FBXW8: variants seen among roughly 807,000 people sequenced by gnomAD.
FBXW8 encodes F-box and WD repeat domain containing 8.
Under a neutral mutation model 65.3 loss-of-function variants are expected in FBXW8, and 57 were observed. The observed-to-expected ratio is 0.87, with a 90% CI of 0.71 to 1.09. The LOEUF is 1.09. Ranked by LOEUF, FBXW8 falls within the 50% of genes least tolerant of loss-of-function variation. FBXW8 has a pLI of 0.00. For synonymous variants in FBXW8, 308 were observed against 330.2 expected, an observed-to-expected ratio of 0.93 and a Z score of 0.73; for missense variants, 777 against 814.8, an observed-to-expected ratio of 0.95 and a Z score of 0.57.
chr12:116,924,357 C>T (rs1347466473), intron 1 of FBXW8, among the ~76,000 whole-genome samples: 1 of 152,094 alleles, frequency 6.6e-6, no homozygotes, highest in Non-Finnish European at 1.5e-5. Context: ...TATATGTATA[C>T]AATGTATATT....
Position 116,985,355 on chromosome 12 carries a change from G to A in FBXW8, c.985G>A (p.Glu329Lys). 1 of 1,614,184 alleles carries A rather than the reference G, an allele frequency of 6.2e-7. No homozygotes were observed. Among genetic ancestry groups the A allele is most frequent in the Non-Finnish European group, 8.5e-7 (1 of 1,180,022 alleles). The change falls in exon 6 of 11, where the codon GAG (glutamate) becomes AAG (lysine). Residue 329 changes from glutamate to lysine, a missense_variant. Physicochemically the swap from Glu to Lys is moderately conservative, Grantham distance 56. Coordinates refer to ENST00000652555, the MANE Select transcript of FBXW8 (RefSeq NM_153348.3). ...TGATGTCGTGATGTTATCCCCCAAT[G>A]AGGAGGGGTACTGGCAGATAGCTGC... Reference protein sequence around the residue: ...AFDVVMLSPNEEGYWQIAAEF... With the variant: ...AFDVVMLSPNKEGYWQIAAEF...
At chr12:116,955,403 A>G (rs1235567832) in intron 4 of FBXW8, among the ~76,000 whole-genome samples, 2 of 152,210 alleles carry the variant, frequency 1.3e-5, no homozygotes, top group Non-Finnish European at 2.9e-5. Context: ...ATTTATGTTC[A>G]TAAGTCACCA....
chr12:116,960,215 CT>C (rs1883898159), intron 4 of FBXW8, among the ~76,000 whole-genome samples: 1 of 152,198 alleles, frequency 6.6e-6, no homozygotes. Flanking sequence ...GTCCAGGTCC[CT>C]CTGCCCCAAC....
In FBXW8 at chr12:117,028,101, C is replaced by A. The variant is rs191628514; in HGVS notation, c.1726C>A (p.Arg576Ser). Residue 576 changes from arginine to serine, a missense_variant, in exon 11 of 11, where the codon CGT becomes AGT. Transcript: ENST00000652555. This position sits in a 1 kb window ranked among gnomAD's most constrained non-coding sequence, Gnocchi z 4.1. The stretch of plus-strand genomic sequence containing the variant: ...CTTCCAGAGCCCTCTCCCTGTCTGC[C>A]GTTCATCCTGTGACGCCATGGCCAC... ...LAFQSPLPVC[R>S]SSCDAMATHY... 6.2e-7 allele frequency: 1 copy of A among 1,614,154 alleles called. No homozygotes were observed. Among genetic ancestry groups the A allele is most frequent in the Non-Finnish European group, 8.5e-7 (1 of 1,180,030 alleles).
chr12:116,921,208 T>G (rs112618153), intron 1 of FBXW8, among the ~76,000 whole-genome samples: 3 of 152,254 alleles, frequency 2.0e-5, no homozygotes, highest in African/African-American at 7.2e-5. Context: ...GGACATTTAT[T>G]GTGCATCTAC....
chr12:116,994,236 T>A (rs1161674602), intron 7 of FBXW8, among the ~76,000 whole-genome samples: 1 of 152,228 alleles, frequency 6.6e-6, no homozygotes, highest in African/African-American at 2.4e-5. Flanking sequence ...GGTGTAAAAG[T>A]ACTGGTGTAA....
intron 7 of FBXW8, among the ~76,000 whole-genome samples, chr12:116,999,752 G>C (rs941687606): frequency 2.6e-5 from 4 of 152,250 alleles, no homozygotes; most frequent in African/African-American, 9.6e-5. Context: ...CTCTAGTCCT[G>C]TGCTTCCAGA....
At chr12:117,022,014 G>A (rs562278593) in intron 8 of FBXW8, among the ~76,000 whole-genome samples, 34 of 152,276 alleles carry the variant, frequency 2.2e-4, no homozygotes, top group Non-Finnish European at 4.1e-4. Flanking sequence ...TCAGGGTTAG[G>A]CTTTGGTAAT....
intron 2 of FBXW8, among the ~76,000 whole-genome samples, chr12:116,935,694 G>C (rs564756460): frequency 2.0e-5 from 3 of 152,216 alleles, no homozygotes; most frequent in Admixed American, 2.0e-4. Flanking sequence ...GAGCTAAGTG[G>C]TGGGTACTTT....
Position 117,022,939 on chromosome 12 carries a change from G to A in FBXW8, c.1368-1208G>A, listed in dbSNP as rs1390689176. ...AAGGTTTGTCCTGTGTGCCTCCATG[G>A]ACCCAGCAGACACACCAGGTCCCAC... On this transcript the variant is annotated intron_variant, in intron 8 of 10. Transcript: ENST00000652555. 3.3e-5 allele frequency among the ~76,000 whole-genome samples: 5 copies of A among 152,256 alleles called. No individual in the cohort carries two copies. The East Asian group carries it at 9.7e-4, about 29-fold the overall frequency.
intron 7 of FBXW8, among the ~76,000 whole-genome samples, chr12:116,992,340 C>G (rs1272277961): frequency 6.6e-6 from 1 of 151,548 alleles, no homozygotes; most frequent in Non-Finnish European, 1.5e-5. Context: ...CTGGGTTTGC[C>G]AGCAGTGTTA....
intron 2 of FBXW8, among the ~76,000 whole-genome samples, chr12:116,944,253 C>T (rs1415742240): frequency 2.0e-5 from 3 of 152,112 alleles, no homozygotes; most frequent in Non-Finnish European, 2.9e-5. Flanking sequence ...AAAAGTTGAT[C>T]GATCATTTTT....
chr12:116,970,432 G>A (rs1294892391), intron 5 of FBXW8, among the ~76,000 whole-genome samples: 1 of 152,142 alleles, frequency 6.6e-6, no homozygotes, highest in Admixed American at 6.5e-5. Context: ...CATTGTCCGG[G>A]ACTGTGGCTG....
chr12:116,969,524 C>T (rs1446675385), intron 5 of FBXW8, among the ~76,000 whole-genome samples: 1 of 152,210 alleles, frequency 6.6e-6, no homozygotes, highest in Non-Finnish European at 1.5e-5. Flanking sequence ...CCAGGAGCAG[C>T]TAACTGGCAC....
intron 8 of FBXW8, among the ~76,000 whole-genome samples, chr12:117,013,760 T>TTTA (rs1161027703): frequency 6.6e-6 from 1 of 150,398 alleles, no homozygotes; most frequent in African/African-American, 2.5e-5. Flanking sequence ...TTATTTATTT[T>TTTA]TTATTATCAT....
At chr12:116,953,246 G>C (rs1190854647) in intron 4 of FBXW8, among the ~76,000 whole-genome samples, 1 of 152,110 alleles carries the variant, frequency 6.6e-6, no homozygotes, top group Admixed American at 6.6e-5. Flanking sequence ...TTTTAAACCT[G>C]GAAGGAACTT....
rs1481085108 is a variant in FBXW8 at position 117,030,228 on chromosome 12, G to C, written c.*2056G>C. The C allele has an allele frequency of 2.0e-5, 3 of 152,338 alleles. No homozygotes were observed. The highest frequency in any genetic ancestry group is 3.9e-4 in the East Asian group (2 of 5,178). 9.4% of individuals were successfully genotyped at this position (152,338 alleles called of 1,614,324 possible). ...ACTACACAGGGGAACGGAGCAGATA[G>C]AGCTGCGACTGGGAAGCGTCACCTT... On this transcript the variant is annotated 3_prime_UTR_variant, in exon 11 of 11. Transcript: ENST00000652555.
chr12:116,988,860 A>C lies in FBXW8; in HGVS notation c.1230A>C (p.Glu410Asp). The change falls in exon 7 of 11, where the codon GAA becomes GAC. Residue 410 changes from glutamate (E) to aspartate (D), a missense_variant. Coordinates refer to ENST00000652555, the MANE Select transcript of FBXW8 (RefSeq NM_153348.3). The part of the protein sequence containing the change: ...FGVQGLGWVY[E>D]GSKILVYSLE... ...TACAGGGTCTGGGATGGGTGTACGA[A>C]GGAAGCAAGGTACACAACTAGCAAG... 6.2e-7 allele frequency: 1 copy of C among 1,613,948 alleles called. No homozygotes were observed. Among genetic ancestry groups the C allele is most frequent in the Non-Finnish European group, 8.5e-7 (1 of 1,179,840 alleles).
chr12:117,003,926 T>C (rs1953608350), intron 7 of FBXW8, among the ~76,000 whole-genome samples: 2 of 152,226 alleles, frequency 1.3e-5, no homozygotes, highest in Admixed American at 1.3e-4. Flanking sequence ...ATTTATTTAT[T>C]TTTATACTGT....
Sources: gnomAD v4.1 joint callset for allele counts (sites outside exome capture counted in the v4.1 genomes callset) on GRCh38, gnomAD v4.1.1 for gene constraint, Gnocchi (gnomAD v3.1) non-coding constraint, MANE v1.5 for transcripts, NCBI Gene and HGNC (gene_info 2026-07-23, HGNC 2026-07-21) for gene names.